HES2: variants seen among roughly 807,000 people sequenced by gnomAD.
HES2 encodes the protein hes family bHLH transcription factor 2.
Under a neutral mutation model 11.9 loss-of-function variants are expected in HES2, and 11 were observed. The ratio of observed to expected loss-of-function variants is 0.92; its 90% CI spans 0.58 to 1.53. The LOEUF is 1.53. Ranked by LOEUF, HES2 falls within the 40% of genes most tolerant of loss-of-function variation. The pLI is 0.00. For missense variants in HES2, 260 were observed against 253.8 expected, an observed-to-expected ratio of 1.02 and a Z score of -0.16; for synonymous variants, 125 against 122.8, an observed-to-expected ratio of 1.02 and a Z score of -0.12.
Position 6,419,765 on chromosome 1 carries a change from C to G in HES2, c.45+11G>C. 6.4e-7 allele frequency: 1 copy of G among 1,563,644 alleles called. No individual in the cohort carries two copies. ...GAGTCCCCAGCCCCGCCCCCAGTCCCCGGTACCCACCTTGCGCAGCTCCGC... is the reference window on the plus strand; with the variant it reads ...GAGTCCCCAGCCCCGCCCCCAGTCCGCGGTACCCACCTTGCGCAGCTCCGC... On this transcript the variant is annotated intron_variant, in intron 1 of 3. Transcript: ENST00000377834. The surrounding 1 kb of genome is among the most constrained non-coding windows in gnomAD (Gnocchi z 8.1).
In HES2 at chr1:6,416,155, TCA is replaced by T. The variant is rs1258496943; in HGVS notation, c.*2716_*2717del. 1 of 151,864 alleles carries T rather than the reference TCA, an allele frequency of 6.6e-6. No homozygotes were observed. Among genetic ancestry groups the T allele is most frequent in the Admixed American group, 6.6e-5 (1 of 15,254 alleles). 9.4% of individuals were successfully genotyped at this position (151,864 alleles called of 1,614,324 possible). ...GCAATCATCAGACAGTCACATGGAG[TCA>T]CAGAACCATCTTGCAACAGCATCCC... On this transcript the variant is annotated 3_prime_UTR_variant, in exon 4 of 4. Transcript: ENST00000377834.
At position 6,419,739 on chromosome 1, in the gene HES2, G is replaced by A; in HGVS notation, c.45+37C>T. The A allele has an allele frequency of 6.4e-7, 1 of 1,552,102 alleles. No homozygotes were observed. Among genetic ancestry groups the A allele is most frequent in the Middle Eastern group, 2.1e-4 (1 of 4,682 alleles). ...CGGCGCGGTGGTTAGACGGGTCCCC[G>A]GAGTCCCCAGCCCCGCCCCCAGTCC... On this transcript the variant is annotated intron_variant, in intron 1 of 3. Transcript: ENST00000377834. This position sits in a 1 kb window ranked among gnomAD's most constrained non-coding sequence, Gnocchi z 8.1.
rs1325365592 is a variant in HES2, at chr1:6,418,216, C to G, written c.*657G>C. The stretch of plus-strand genomic sequence containing the variant: ...CGGGAAAACAAATCCTTCCCAAAGT[C>G]ACTTAAGGAATCCCCCAGCCCCACC... On this transcript the variant is annotated 3_prime_UTR_variant, in exon 4 of 4. Coordinates refer to ENST00000377834, the MANE Select transcript of HES2 (RefSeq NM_019089.5). The G allele has an allele frequency of 6.6e-6, 1 of 152,406 alleles. No individual in the cohort carries two copies. Among genetic ancestry groups the G allele is most frequent in the East Asian group, 1.9e-4 (1 of 5,198 alleles). 9.4% of individuals were successfully genotyped at this position (152,406 alleles called of 1,614,324 possible). A position where few individuals can be genotyped will look rare whatever the true frequency, so the allele number is the denominator to read the frequency against.
Position 6,418,998 on chromosome 1 carries a change from C to T in HES2, c.397G>A (p.Ala133Thr), listed in dbSNP as rs952380380. The change falls in exon 4 of 4, where the codon GCT (alanine) becomes ACT (threonine). Residue 133 changes from alanine to threonine, a missense_variant. Physicochemically the swap from Ala to Thr is moderately conservative, Grantham distance 58 (BLOSUM62 0). Transcript: ENST00000377834. ...GCAGACGGGCCACTGGAATCCCCAG[C>T]GCGCCCGCCGTCCAGGGTGGCGCTG... ...AASATLDGGRAGDSSGPSAPA... is the reference protein window; with the variant it reads ...AASATLDGGRTGDSSGPSAPA... 1 of 1,369,230 alleles carries T rather than the reference C, an allele frequency of 7.3e-7. No individual in the cohort carries two copies. The highest frequency in any genetic ancestry group is 9.3e-7 in the Non-Finnish European group (1 of 1,072,224). 84.8% of individuals were successfully genotyped at this position (1,369,230 alleles called of 1,614,324 possible).
In HES2 at chr1:6,419,244, G is replaced by A. The variant is rs752300434; in HGVS notation, c.238C>T (p.Pro80Ser). The A allele has an allele frequency of 2.5e-6, 4 of 1,608,778 alleles. No homozygotes were observed. In the South Asian group the frequency reaches 3.3e-5, roughly 13 times the overall value. ...AGGGCAGGGAGGGCTCACTCACGGG[G>A]CGCTGCCGTGGGCCATGAGGACGCA... ...LPASSWPTAA[P>S]LPCDSYREGY... Residue 80 changes from proline to serine, a missense_variant, in exon 3 of 4, where the codon CCC (proline) becomes TCC (serine). By Grantham distance (74) the Pro-to-Ser change is moderately conservative (BLOSUM62 -1). Coordinates refer to ENST00000377834, the MANE Select transcript of HES2 (RefSeq NM_019089.5). The surrounding 1 kb of genome is among the most constrained non-coding windows in gnomAD (Gnocchi z 8.1).
Position 6,418,915 on chromosome 1 carries a change from C to A in HES2, c.480G>T (p.Pro160=). ...PEPASAPVPS[P]PSPPCGPGLW... Reference sequence around the variant, plus strand: ...GGCCAGGGCCGCAGGGAGGCGAGGGCGGCGAGGGCACCGGAGCGGATGCGG... The same window carrying A: ...GGCCAGGGCCGCAGGGAGGCGAGGGAGGCGAGGGCACCGGAGCGGATGCGG... Residue 160 remains proline (P), a synonymous_variant, in exon 4 of 4, where the codon CCG becomes CCT. Transcript: ENST00000377834. 3 of 1,315,644 alleles carry A rather than the reference C, an allele frequency of 2.3e-6. No homozygotes were observed. The highest frequency in any genetic ancestry group is 2.9e-6 in the Non-Finnish European group (3 of 1,040,264). The allele number at this position is 1,315,644 out of a possible 1,614,324, so 81.5% of individuals were successfully genotyped here. A position where few individuals can be genotyped will look rare whatever the true frequency, so the allele number is the denominator to read the frequency against.
In HES2 at chr1:6,418,424, C is replaced by T. The variant is rs545618385; in HGVS notation, c.*449G>A. 1.0e-3 allele frequency: 165 copies of T among 161,430 alleles called. 1 individual carries two copies. Among genetic ancestry groups the T allele is most frequent in the African/African-American group, 3.8e-3 (158 of 41,934 alleles). The allele number at this position is 161,430 out of a possible 1,614,324, so 10.0% of individuals were successfully genotyped here. A position where few individuals can be genotyped will look rare whatever the true frequency, so the allele number is the denominator to read the frequency against. Reference sequence around the variant, plus strand: ...CATGCCCAGAGGGTCCCAAGCAGAGCTGGGCAGGAGGTAGGCCCAGGCAGG... The same window carrying T: ...CATGCCCAGAGGGTCCCAAGCAGAGTTGGGCAGGAGGTAGGCCCAGGCAGG... On this transcript the variant is annotated 3_prime_UTR_variant, in exon 4 of 4. Coordinates refer to ENST00000377834, the MANE Select transcript of HES2 (RefSeq NM_019089.5).
chr1:6,419,657 GGTT>G lies in HES2; in HGVS notation c.88_90del (p.Asn30del). ...AGCCCCTTAAGCTGGCTCAGGCTCT[GGTT>G]GATGCGCGCGCGCCGGCGCTTCTCC... On this transcript the variant is annotated inframe_deletion, in exon 2 of 4. Transcript: ENST00000377834. This position sits in a 1 kb window ranked among gnomAD's most constrained non-coding sequence, Gnocchi z 8.1. 16 of 1,555,398 alleles carry G rather than the reference GGTT, an allele frequency of 1.0e-5. No homozygotes were observed. Among genetic ancestry groups the G allele is most frequent in the Non-Finnish European group, 1.4e-5 (16 of 1,153,766 alleles).
In HES2 at chr1:6,419,804, C is replaced by G; in HGVS notation, c.17G>C (p.Arg6Pro). 6.4e-7 allele frequency: 1 copy of G among 1,563,032 alleles called. No homozygotes were observed. Among genetic ancestry groups the G allele is most frequent in the East Asian group, 2.5e-5 (1 of 40,396 alleles). ...GCGCAGCTCCGCCGCGTCCCCTGCC[C>G]GGCGAGGCAGCCCCATGCTCCGCGG... MGLPR[R>P]AGDAAELRKS... The change falls in exon 1 of 4, where the codon CGG becomes CCG. Residue 6 changes from arginine to proline, a missense_variant. By Grantham distance (103) the Arg-to-Pro change is moderately radical. Transcript: ENST00000377834. This position sits in a 1 kb window ranked among gnomAD's most constrained non-coding sequence, Gnocchi z 8.1.
chr1:6,419,844 C>T lies in HES2; in HGVS notation c.-24G>A. The T allele has an allele frequency of 6.5e-7, 1 of 1,534,202 alleles. No homozygotes were observed. Among genetic ancestry groups the T allele is most frequent in the Non-Finnish European group, 8.7e-7 (1 of 1,145,810 alleles). ...ATGCTCCGCGGGGAAGCGGTGGCAGCTGCGAGCCCCACGCAAAGGGAAACC... is the reference window on the plus strand; with the variant it reads ...ATGCTCCGCGGGGAAGCGGTGGCAGTTGCGAGCCCCACGCAAAGGGAAACC... On this transcript the variant is annotated 5_prime_UTR_variant, in exon 1 of 4. Transcript: ENST00000377834. The surrounding 1 kb of genome is among the most constrained non-coding windows in gnomAD (Gnocchi z 8.1).
chr1:6,419,733 G>A lies in HES2; in HGVS notation c.46-31C>T. 6.5e-7 allele frequency: 1 copy of A among 1,550,366 alleles called. No individual in the cohort carries two copies. Among genetic ancestry groups the A allele is most frequent in the Non-Finnish European group, 8.7e-7 (1 of 1,151,128 alleles). ...GACGGGCGGCGCGGTGGTTAGACGG[G>A]TCCCCGGAGTCCCCAGCCCCGCCCC... On this transcript the variant is annotated intron_variant, in intron 1 of 3. Coordinates refer to ENST00000377834, the MANE Select transcript of HES2 (RefSeq NM_019089.5). This position sits in a 1 kb window ranked among gnomAD's most constrained non-coding sequence, Gnocchi z 8.1.
Position 6,419,448 on chromosome 1 carries a change from T to A in HES2, c.142-108A>T. On this transcript the variant is annotated intron_variant, in intron 2 of 3. Transcript: ENST00000377834. The surrounding 1 kb of genome is among the most constrained non-coding windows in gnomAD (Gnocchi z 8.1). The stretch of plus-strand genomic sequence containing the variant: ...CGGGAGCTGGGTGTGGGGCGCGCCG[T>A]GGCCTGCTGGGGGTCCGCTCCGACG... 8.4e-7 allele frequency: 1 copy of A among 1,194,720 alleles called. No homozygotes were observed. Among genetic ancestry groups the A allele is most frequent in the Non-Finnish European group, 1.2e-6 (1 of 856,876 alleles). 74.0% of individuals were successfully genotyped at this position (1,194,720 alleles called of 1,614,324 possible).
chr1:6,418,381 C>T lies in HES2; in HGVS notation c.*492G>A, dbSNP rs1642873119. On this transcript the variant is annotated 3_prime_UTR_variant, in exon 4 of 4. Coordinates refer to ENST00000377834, the MANE Select transcript of HES2 (RefSeq NM_019089.5). ...TAGAGCCCTGGAAGTGACCAGAGCC[C>T]TTAGGCTACTGCTGCTGCATGCCCA... 1 of 155,616 alleles carries T rather than the reference C, an allele frequency of 6.4e-6. No individual in the cohort carries two copies. The highest frequency in any genetic ancestry group is 1.4e-5 in the Non-Finnish European group (1 of 70,548). 9.6% of individuals were successfully genotyped at this position (155,616 alleles called of 1,614,324 possible).
At position 6,419,846 on chromosome 1, in the gene HES2, G is replaced by GCGAGCC. The variant is rs760911003; in HGVS notation, c.-32_-27dup. 6.5e-7 allele frequency: 1 copy of GCGAGCC among 1,529,872 alleles called. No individual in the cohort carries two copies. Among genetic ancestry groups the GCGAGCC allele is most frequent in the South Asian group, 1.2e-5 (1 of 80,110 alleles). 94.8% of individuals were successfully genotyped at this position (1,529,872 alleles called of 1,614,324 possible). A position where few individuals can be genotyped will look rare whatever the true frequency, so the allele number is the denominator to read the frequency against. ...GCTCCGCGGGGAAGCGGTGGCAGCTGCGAGCCCCACGCAAAGGGAAACCGA... is the reference window on the plus strand; with the variant it reads ...GCTCCGCGGGGAAGCGGTGGCAGCTGCGAGCCCGAGCCCCACGCAAAGGGAAACCGA... On this transcript the variant is annotated 5_prime_UTR_variant, in exon 1 of 4. Coordinates refer to ENST00000377834, the MANE Select transcript of HES2 (RefSeq NM_019089.5). This position sits in a 1 kb window ranked among gnomAD's most constrained non-coding sequence, Gnocchi z 8.1.
Position 6,419,032 on chromosome 1 carries a change from C to G in HES2, c.363G>C (p.Arg121=). The G allele has an allele frequency of 6.9e-7, 1 of 1,453,782 alleles. No individual in the cohort carries two copies. Among genetic ancestry groups the G allele is most frequent in the South Asian group, 1.4e-5 (1 of 73,368 alleles). 90.1% of individuals were successfully genotyped at this position (1,453,782 alleles called of 1,614,324 possible). A position where few individuals can be genotyped will look rare whatever the true frequency, so the allele number is the denominator to read the frequency against. ...VSARLLEHLW[R]RAASATLDGG... The stretch of plus-strand genomic sequence containing the variant: ...CGTCCAGGGTGGCGCTGGCCGCTCT[C>G]CGCCACAGGTGCTCCAGCAGGCGCG... The change falls in exon 4 of 4, where the codon CGG becomes CGC. Residue 121 remains arginine (R), a synonymous_variant. Coordinates refer to ENST00000377834, the MANE Select transcript of HES2 (RefSeq NM_019089.5). The surrounding 1 kb of genome is among the most constrained non-coding windows in gnomAD (Gnocchi z 8.1).
rs1302581238 is a variant in HES2 at position 6,419,890 on chromosome 1, G to A, written c.-70C>T. 3.4e-6 allele frequency: 5 copies of A among 1,455,802 alleles called. No individual in the cohort carries two copies. The African/African-American group carries it at 4.5e-5, about 13-fold the overall frequency. The allele number at this position is 1,455,802 out of a possible 1,614,324, so 90.2% of individuals were successfully genotyped here. A position where few individuals can be genotyped will look rare whatever the true frequency, so the allele number is the denominator to read the frequency against. On this transcript the variant is annotated 5_prime_UTR_variant, in exon 1 of 4. Coordinates refer to ENST00000377834, the MANE Select transcript of HES2 (RefSeq NM_019089.5). This position sits in a 1 kb window ranked among gnomAD's most constrained non-coding sequence, Gnocchi z 8.1. The stretch of plus-strand genomic sequence containing the variant: ...AAACCGAGGTCCGAAATGAGGTCCC[G>A]GGCGCGGCCCGGGCTGGTGCCAGAC...
rs1642875378 is a variant in HES2 at position 6,418,614 on chromosome 1, T to C, written c.*259A>G. On this transcript the variant is annotated 3_prime_UTR_variant, in exon 4 of 4. Coordinates refer to ENST00000377834, the MANE Select transcript of HES2 (RefSeq NM_019089.5). ...ACCAGCTGGGATGGGGGGCTTCTTC[T>C]TCACCCTGCTGCCTCTTGTCCTTTC... 5.2e-6 allele frequency: 2 copies of C among 384,692 alleles called. No homozygotes were observed. Among genetic ancestry groups the C allele is most frequent in the Non-Finnish European group, 9.2e-6 (2 of 218,556 alleles). 23.8% of individuals were successfully genotyped at this position (384,692 alleles called of 1,614,324 possible).
In HES2 at chr1:6,419,873, G is replaced by C; in HGVS notation, c.-53C>G. ...GAGCCCCACGCAAAGGGAAACCGAG[G>C]TCCGAAATGAGGTCCCGGGCGCGGC... On this transcript the variant is annotated 5_prime_UTR_variant, in exon 1 of 4. Transcript: ENST00000377834. This position sits in a 1 kb window ranked among gnomAD's most constrained non-coding sequence, Gnocchi z 8.1. 6.7e-7 allele frequency: 1 copy of C among 1,496,102 alleles called. No individual in the cohort carries two copies. Among genetic ancestry groups the C allele is most frequent in the Non-Finnish European group, 8.9e-7 (1 of 1,125,174 alleles). The allele number at this position is 1,496,102 out of a possible 1,614,324, so 92.7% of individuals were successfully genotyped here.
Position 6,419,380 on chromosome 1 carries a change from A to G in HES2, c.142-40T>C. 1 of 1,551,808 alleles carries G rather than the reference A, an allele frequency of 6.4e-7. No individual in the cohort carries two copies. The highest frequency in any genetic ancestry group is 1.4e-5 in the African/African-American group (1 of 73,370). On this transcript the variant is annotated intron_variant, in intron 2 of 3. Transcript: ENST00000377834. The surrounding 1 kb of genome is among the most constrained non-coding windows in gnomAD (Gnocchi z 8.1). ...GAGGAAGAGCGACAGAGAACCACCAAGACAGAACTTTGGCCGGCTACCGTG... is the reference window on the plus strand; with the variant it reads ...GAGGAAGAGCGACAGAGAACCACCAGGACAGAACTTTGGCCGGCTACCGTG...
Sources: allele counts gnomAD v4.1 joint callset, GRCh38; gene constraint gnomAD v4.1.1; non-coding constraint Gnocchi (gnomAD v3.1); transcripts MANE v1.5; gene names NCBI Gene and HGNC (gene_info 2026-07-23, HGNC 2026-07-21).